Variants in TENM3 observed in about 807,000 individuals in gnomAD.
TENM3 encodes the protein teneurin-3.
In TENM3, 63 loss-of-function variants were observed where a neutral mutation model predicts 255.1. That is an observed-to-expected ratio of 0.25 (90% CI 0.20 to 0.30). The LOEUF (loss-of-function observed/expected upper bound fraction) is 0.30. Among genes scored for constraint, TENM3 ranks in the 10% least tolerant of loss-of-function variants. TENM3 has a pLI of 1.00. For missense variants in TENM3, 2,929 were observed against 3,461.1 expected, an observed-to-expected ratio of 0.85 and a Z score of 3.86; for synonymous variants, 1,306 against 1,322.3, an observed-to-expected ratio of 0.99 and a Z score of 0.27.
At chr4:181,623,700 T>C in the TENM3 span, among the ~76,000 whole-genome samples, 1 of 152,222 alleles carries the variant, frequency 6.6e-6, no homozygotes, top group Non-Finnish European at 1.5e-5. Context: ...TTATGCTTCG[T>C]AAACAATCAG....
chr4:182,160,684 G>C (rs1751081089), intron 1 of TENM3, among the ~76,000 whole-genome samples: 1 of 152,190 alleles, frequency 6.6e-6, no homozygotes, highest in Non-Finnish European at 1.5e-5. Context: ...GGCTGGGATG[G>C]GACATGGGGA....
At chr4:182,600,273 C>T (rs185431854) in intron 3 of TENM3, among the ~76,000 whole-genome samples, 64 of 152,212 alleles carry the variant, frequency 4.2e-4, no homozygotes, top group African/African-American at 1.4e-3. Flanking sequence ...AGTCTTCTGA[C>T]GTTGTAATCA....
chr4:181,554,920 C>A, the TENM3 span, among the ~76,000 whole-genome samples: 30 of 152,280 alleles, frequency 2.0e-4, no homozygotes, highest in Non-Finnish European at 4.1e-4. Context: ...TACTTTGGAT[C>A]AGTTTATTTT....
At chr4:182,112,254 A>G in the TENM3 span, among the ~76,000 whole-genome samples, 2 of 152,106 alleles carry the variant, frequency 1.3e-5, no homozygotes, top group African/African-American at 2.4e-5. Context: ...GCCCTCCCCA[A>G]CAAAACCCCA....
At chr4:182,220,413 TAAA>T (rs1422175993) in intron 1 of TENM3, among the ~76,000 whole-genome samples, 3 of 134,590 alleles carry the variant, frequency 2.2e-5, no homozygotes, top group Non-Finnish European at 4.8e-5. Context: ...GTCGGCTTGA[TAAA>T]GAAGAGCAGG....
intron 1 of TENM3, among the ~76,000 whole-genome samples, chr4:182,220,185 T>G (rs749072182): frequency 6.6e-6 from 1 of 151,998 alleles, no homozygotes; most frequent in African/African-American, 2.4e-5. Context: ...AAGACTAGCC[T>G]GGCCAACATG....
At position 182,592,342 on chromosome 4, in the gene TENM3, T is replaced by C. The variant is rs61391591; in HGVS notation, c.512-8582T>C. On this transcript the variant is annotated intron_variant, in intron 3 of 27. Transcript: ENST00000511685. ...AGATTAAGCTACACCAAGGATTAGA[T>C]TGGTATTTTCAAAATCAAAAACCAA... 6.8e-3 allele frequency among the ~76,000 whole-genome samples: 1,033 copies of C among 152,318 alleles called. 34 individuals are homozygous for C. In the East Asian group the frequency reaches 0.079, roughly 12 times the overall value.
At chr4:181,919,448 G>A in the TENM3 span, among the ~76,000 whole-genome samples, 27,605 of 150,772 alleles carry the variant, frequency 0.18, 3,116 homozygotes, top group Non-Finnish European at 0.26. Flanking sequence ...GGAGGTTTTC[G>A]TTTGACCCTG....
At chr4:181,750,949 A>T in the TENM3 span, among the ~76,000 whole-genome samples, 5,353 of 152,250 alleles carry the variant, frequency 0.035, 126 homozygotes, top group Non-Finnish European at 0.056. Flanking sequence ...CATGCCCTTG[A>T]CTTAGGCTGT....
chr4:181,718,646 T>C, the TENM3 span, among the ~76,000 whole-genome samples: 1 of 152,212 alleles, frequency 6.6e-6, no homozygotes, highest in African/African-American at 2.4e-5. Flanking sequence ...AAGATGACTG[T>C]CAATTATTCC....
the TENM3 span, among the ~76,000 whole-genome samples, chr4:181,849,182 G>C: frequency 6.6e-6 from 1 of 152,114 alleles, no homozygotes; most frequent in African/African-American, 2.4e-5. Context: ...TACAACCAAA[G>C]GAGGAACATT....
chr4:182,235,379 T>G (rs1260654763), intron 1 of TENM3, among the ~76,000 whole-genome samples: 1 of 152,190 alleles, frequency 6.6e-6, no homozygotes, highest in African/African-American at 2.4e-5. Flanking sequence ...AAAATCTACC[T>G]TCCCAGGCGG....
At chr4:181,915,983 CT>C in the TENM3 span, among the ~76,000 whole-genome samples, 1 of 152,106 alleles carries the variant, frequency 6.6e-6, no homozygotes, top group African/African-American at 2.4e-5. Context: ...AAGTAAAATC[CT>C]TCTGTGGCTT....
chr4:181,479,947 G>GACCTAGCAATCACAGTGACCAATAACC, the TENM3 span, among the ~76,000 whole-genome samples: 1 of 152,022 alleles, frequency 6.6e-6, no homozygotes. Context: ...TTTAAGCTAT[G>GACCTAGCAATCACAGTGACCAATAACC]ACCTAGCAAT....
chr4:181,598,613 G>T, the TENM3 span, among the ~76,000 whole-genome samples: 1 of 151,568 alleles, frequency 6.6e-6, no homozygotes, highest in African/African-American at 2.4e-5. Flanking sequence ...TTTAGATGTT[G>T]CCTGTGTAAC....
chr4:182,666,997 T>A (rs1326723197), intron 6 of TENM3, among the ~76,000 whole-genome samples: 1 of 152,190 alleles, frequency 6.6e-6, no homozygotes, highest in Admixed American at 6.5e-5. Flanking sequence ...AAAATGTGTG[T>A]ACCTCACTTT....
intron 1 of TENM3, among the ~76,000 whole-genome samples, chr4:182,175,586 C>A (rs564561926): frequency 1.3e-5 from 2 of 151,986 alleles, no homozygotes. Flanking sequence ...AAGGAGATAC[C>A]GACAGCACAG....
intron 1 of TENM3, among the ~76,000 whole-genome samples, chr4:182,289,349 G>A (rs1452943953): frequency 6.6e-6 from 1 of 152,200 alleles, no homozygotes; most frequent in Non-Finnish European, 1.5e-5. Context: ...CCTGTTCCTG[G>A]CCCCGCTCTC....
At chr4:182,390,602 C>A (rs1040343626) in intron 3 of TENM3, among the ~76,000 whole-genome samples, 4 of 152,146 alleles carry the variant, frequency 2.6e-5, no homozygotes, top group Non-Finnish European at 4.4e-5. Flanking sequence ...TTGAGACATT[C>A]CTGAATTGTC....
Sources: allele counts gnomAD v4.1 joint callset (sites outside exome capture counted in the v4.1 genomes callset), GRCh38; gene constraint gnomAD v4.1.1; transcripts MANE v1.5; gene names NCBI Gene and HGNC (gene_info 2026-07-23, HGNC 2026-07-21).